Variants in SCAI observed in about 807,000 individuals in gnomAD.
The protein encoded by SCAI is protein SCAI.
A neutral mutation model predicts 92.2 loss-of-function variants in SCAI; 24 were observed. The ratio of observed to expected loss-of-function variants is 0.26; its 90% confidence interval spans 0.19 to 0.37. The LOEUF (loss-of-function observed/expected upper bound fraction) is 0.37. SCAI is among the 10% of genes least tolerant of loss of function. The pLI, the probability that SCAI is intolerant of heterozygous loss-of-function variation, is 1.00. For missense variants in SCAI, 450 were observed against 736.2 expected (o/e 0.61, Z 4.50); for synonymous variants, 261 against 258.6 (o/e 1.01, Z -0.09).
At chr9:125,065,932 G>C in intron 2 of SCAI, 1 of 730,384 alleles carries the variant, frequency 1.4e-6, no homozygotes, top group South Asian at 1.6e-5. Flanking sequence ...GGAACAGAAA[G>C]GGAGCTTCAT....
chr9:125,042,858 CTTTTTTTTTTTTTTTTTTT>C (rs770118712), intron 3 of SCAI, among the ~76,000 whole-genome samples: 1 of 50,998 alleles, frequency 2.0e-5, no homozygotes, highest in African/African-American at 8.1e-5. Flanking sequence ...TGCTCCCTGG[CTTTTTTTTTTTTTTTTTTT>C]TTTTTTTTTT....
chr9:125,126,106 A>G (rs979393551), intron 2 of SCAI, among the ~76,000 whole-genome samples: 1 of 152,180 alleles, frequency 6.6e-6, no homozygotes, highest in African/African-American at 2.4e-5. Context: ...AAGCCAGGAC[A>G]ATGAGTCAAG....
At chr9:125,052,636 G>C (rs962523991) in intron 3 of SCAI, among the ~76,000 whole-genome samples, 3 of 151,642 alleles carry the variant, frequency 2.0e-5, no homozygotes, top group African/African-American at 7.3e-5. Context: ...AAAAAAGAAA[G>C]AAAGAAAGTA....
intron 2 of SCAI, among the ~76,000 whole-genome samples, chr9:125,130,097 C>T (rs1351745220): frequency 2.0e-5 from 3 of 151,996 alleles, no homozygotes; most frequent in Non-Finnish European, 4.4e-5. Context: ...CGGGGTTTTG[C>T]CATGTTGGCC....
intron 13 of SCAI, 88 bp from the exon 14 acceptor site, chr9:124,995,103 T>C: frequency 2.1e-6 from 2 of 938,814 alleles, no homozygotes; most frequent in Non-Finnish European, 3.3e-6. Flanking sequence ...CATATCTCCT[T>C]TGCATCATAG....
chr9:125,096,597 C>T lies in SCAI; in HGVS notation c.99-40590G>A, dbSNP rs77033135. Among the ~76,000 whole-genome samples, 288 of 152,144 alleles carry T rather than the reference C, an allele frequency of 1.9e-3. 8 individuals carry two copies. In the East Asian group the frequency reaches 0.041, roughly 22 times the overall value. On this transcript the variant is annotated intron_variant, in intron 2 of 17. Transcript: ENST00000336505. ...TTGGTATCACATCCTTGATACCAGC[C>T]TCCTCTTCCTGTCCCCAGTCCTACT...
intron 9 of SCAI, among the ~76,000 whole-genome samples, chr9:125,009,490 G>C (rs1393785760): frequency 1.3e-5 from 2 of 151,944 alleles, no homozygotes; most frequent in Non-Finnish European, 2.9e-5. Flanking sequence ...GGCTGGTCTA[G>C]AACTCCTGAC....
At chr9:124,967,143 C>T (rs1366240613) in intron 17 of SCAI, among the ~76,000 whole-genome samples, 2 of 152,146 alleles carry the variant, frequency 1.3e-5, no homozygotes, top group African/African-American at 2.4e-5. Context: ...GTATAATAGG[C>T]TTAACCCAAT....
intron 9 of SCAI, among the ~76,000 whole-genome samples, chr9:125,004,894 T>C (rs147257206): frequency 1.4e-5 from 2 of 145,820 alleles, no homozygotes; most frequent in African/African-American, 5.1e-5. Flanking sequence ...GTTCAAACGA[T>C]TCTCCTGCCT....
intron 2 of SCAI, among the ~76,000 whole-genome samples, chr9:125,073,347 A>G (rs60111983): frequency 1.3e-5 from 2 of 150,104 alleles, no homozygotes; most frequent in Non-Finnish European, 1.5e-5. Flanking sequence ...CTCGTGATCC[A>G]CCCGCCTCGG....
intron 2 of SCAI, among the ~76,000 whole-genome samples, chr9:125,134,459 C>T (rs1471540698): frequency 6.6e-6 from 1 of 152,078 alleles, no homozygotes; most frequent in Non-Finnish European, 1.5e-5. Flanking sequence ...ACAAAATGCC[C>T]GGATCTCTTT....
chr9:125,021,627 C>A (rs1832871921), intron 6 of SCAI, among the ~76,000 whole-genome samples: 1 of 152,216 alleles, frequency 6.6e-6, no homozygotes, highest in African/African-American at 2.4e-5. Context: ...TTTCCTCCTG[C>A]TTTCCATATC....
intron 2 of SCAI, among the ~76,000 whole-genome samples, chr9:125,076,697 A>G (rs1564403526): frequency 1.3e-5 from 2 of 151,138 alleles, no homozygotes; most frequent in Non-Finnish European, 3.0e-5. Flanking sequence ...GCGAAACACC[A>G]TTTTTCCTTT....
intron 17 of SCAI, among the ~76,000 whole-genome samples, chr9:124,957,391 C>T (rs113740297): frequency 2.4e-4 from 36 of 151,738 alleles, no homozygotes; most frequent in African/African-American, 8.0e-4. Flanking sequence ...GAGATGGAGT[C>T]TCACTCTGTT....
chr9:125,012,233 T>C (rs1156918532), intron 9 of SCAI, among the ~76,000 whole-genome samples: 1 of 152,118 alleles, frequency 6.6e-6, no homozygotes, highest in East Asian at 1.9e-4. Flanking sequence ...AGACACAGAC[T>C]GGCAAACTGG....
intron 2 of SCAI, among the ~76,000 whole-genome samples, chr9:125,097,268 A>G (rs566663354): frequency 4.6e-4 from 70 of 152,146 alleles, no homozygotes; most frequent in African/African-American, 1.5e-3. Flanking sequence ...CCCTGTCTCT[A>G]ATAAAAATAC....
intron 3 of SCAI, among the ~76,000 whole-genome samples, chr9:125,046,018 G>A (rs561891200): frequency 6.6e-6 from 1 of 151,070 alleles, no homozygotes; most frequent in Non-Finnish European, 1.5e-5. Flanking sequence ...ATGACTAAAA[G>A]TAAAACTACC....
chr9:124,993,283 T>C (rs1249577403), intron 14 of SCAI, among the ~76,000 whole-genome samples: 1 of 152,084 alleles, frequency 6.6e-6, no homozygotes, highest in African/African-American at 2.4e-5. Flanking sequence ...AAAACAAATA[T>C]ACAATTTAAG....
intron 2 of SCAI, among the ~76,000 whole-genome samples, chr9:125,069,842 G>A (rs557689903): frequency 2.1e-4 from 32 of 151,964 alleles, no homozygotes; most frequent in African/African-American, 7.0e-4. Flanking sequence ...GGCTGGTCTC[G>A]AACTCCTGAC....
Sources: allele counts gnomAD v4.1 joint callset (sites outside exome capture counted in the v4.1 genomes callset), GRCh38; gene constraint gnomAD v4.1.1; transcripts MANE v1.5; gene names NCBI Gene and HGNC (gene_info 2026-07-23, HGNC 2026-07-21).